The following ATPAF1 variants were observed in gnomAD, a reference collection of about 807,000 sequenced individuals.
The protein encoded by ATPAF1 is homolog of yeast ATP11.
ATPAF1 carries 26 observed loss-of-function variants against 43.9 expected under a neutral mutation model. That is an observed-to-expected ratio of 0.59 (90% confidence interval 0.43 to 0.82). ATPAF1 has a LOEUF of 0.82. ATPAF1 is among the 40% of genes least tolerant of loss of function. The probability of loss-of-function intolerance (pLI) is 0.00; values close to 1 mark genes in which losing one functional copy is unlikely to be tolerated. For synonymous variants in ATPAF1, 157 were observed against 168.0 expected (o/e 0.93, Z 0.50); for missense variants, 366 against 435.0 (o/e 0.84, Z 1.41).
At chr1:46,635,063 T>C (rs1475816876) in exon 9 of ATPAF1, 1 of 152,628 alleles carries the variant, frequency 6.6e-6, no homozygotes, top group Non-Finnish European at 1.5e-5. Flanking sequence ...ACAAAAGAAT[T>C]TTATTTATAC....
chr1:46,643,133 G>C, intron 8 of ATPAF1, 61 bp downstream of exon 8: 1 of 1,336,112 alleles, frequency 7.5e-7, no homozygotes, highest in Non-Finnish European at 1.1e-6. Flanking sequence ...AGCTTTGGCA[G>C]AAGAGTAATA....
At chr1:46,649,835 G>C (rs1173381669) in intron 6 of ATPAF1, among the ~76,000 whole-genome samples, 1 of 151,766 alleles carries the variant, frequency 6.6e-6, no homozygotes, top group African/African-American at 2.4e-5. Context: ...CTGAGGTGGG[G>C]GTATTGCTTC....
At chr1:46,654,528 T>TTTATTTATTA (rs1553218331) in intron 4 of ATPAF1, among the ~76,000 whole-genome samples, 239 of 135,258 alleles carry the variant, frequency 1.8e-3, no homozygotes, top group African/African-American at 5.4e-3. Context: ...TATTTATTTA[T>TTTATTTATTA]TTATTATTAT....
chr1:46,647,488 G>A (rs1057148957), intron 6 of ATPAF1, among the ~76,000 whole-genome samples: 2 of 131,088 alleles, frequency 1.5e-5, no homozygotes, highest in African/African-American at 6.1e-5. Flanking sequence ...ATTCCATTGT[G>A]TATGTATACA....
chr1:46,655,840 A>G (rs1027585218), intron 4 of ATPAF1, among the ~76,000 whole-genome samples: 1 of 152,060 alleles, frequency 6.6e-6, no homozygotes, highest in African/African-American at 2.4e-5. Context: ...CTGCTTTTCT[A>G]TTTTATTTAT....
Position 46,656,266 on chromosome 1 carries a change from G to A in ATPAF1, c.489+1861C>T, listed in dbSNP as rs115652951. 2.1e-3 allele frequency among the ~76,000 whole-genome samples: 315 copies of A among 152,284 alleles called. 1 individual carries two copies. Among genetic ancestry groups the A allele is most frequent in the Non-Finnish European group, 2.5e-3 (168 of 68,024 alleles). On this transcript the variant is annotated intron_variant, in intron 4 of 8. Transcript: ENST00000574428. ...ACACTAACAAAGGCATAGAAGTAGA[G>A]GAGGGTATCATAACCAAGGTGACAC...
At chr1:46,656,676 T>TA (rs1676279230) in intron 4 of ATPAF1, among the ~76,000 whole-genome samples, 1 of 152,188 alleles carries the variant, frequency 6.6e-6, no homozygotes. Flanking sequence ...AATTTATACC[T>TA]AAAACTATAG....
intron 8 of ATPAF1, among the ~76,000 whole-genome samples, chr1:46,640,476 G>A (rs1271148387): frequency 6.6e-6 from 1 of 152,062 alleles, no homozygotes; most frequent in Non-Finnish European, 1.5e-5. Flanking sequence ...CAGGTGTGGT[G>A]GCACATGCCT....
intron 8 of ATPAF1, among the ~76,000 whole-genome samples, chr1:46,641,892 C>G (rs1048464550): frequency 3.9e-5 from 6 of 152,040 alleles, no homozygotes; most frequent in African/African-American, 1.4e-4. Flanking sequence ...TCATTCAGTC[C>G]TATGGTTTTA....
At position 46,668,279 on chromosome 1, in the gene ATPAF1, G is replaced by C; in HGVS notation, c.44C>G (p.Ala15Gly). The change falls in exon 1 of 9, where the codon GCG becomes GGG. Residue 15 changes from alanine to glycine, a missense_variant. By Grantham distance (60) the Ala-to-Gly change is moderately conservative. Coordinates refer to ENST00000574428, the Ensembl canonical transcript of ATPAF1. This position sits in a 1 kb window ranked among gnomAD's most constrained non-coding sequence, Gnocchi z 4.4. Reference sequence around the variant, plus strand: ...GTAGAGACCGGCCACCTGCAGGACCGCCGGTCCCGCGCCACCCGCAGCCGC... The same window carrying C: ...GTAGAGACCGGCCACCTGCAGGACCCCCGGTCCCGCGCCACCCGCAGCCGC... 1 of 1,383,648 alleles carries C rather than the reference G, an allele frequency of 7.2e-7. No homozygotes were observed. The allele number at this position is 1,383,648 out of a possible 1,614,324, so 85.7% of individuals were successfully genotyped here.
intron 2 of ATPAF1, among the ~76,000 whole-genome samples, chr1:46,659,957 G>A (rs1676355884): frequency 6.6e-6 from 1 of 151,088 alleles, no homozygotes; most frequent in Non-Finnish European, 1.5e-5. Flanking sequence ...CTAAAAAGGA[G>A]TTAATTTCAT....
chr1:46,666,623 C>T (rs542709499), intron 1 of ATPAF1, among the ~76,000 whole-genome samples: 1 of 152,340 alleles, frequency 6.6e-6, no homozygotes, highest in Non-Finnish European at 1.5e-5. Flanking sequence ...GGTTTCATGC[C>T]TCTGTACCTT....
chr1:46,661,893 CTTTCTTT>C (rs1676394573), intron 2 of ATPAF1, among the ~76,000 whole-genome samples: 1 of 140,446 alleles, frequency 7.1e-6, no homozygotes, highest in Non-Finnish European at 1.6e-5. Flanking sequence ...AGCTAAATTT[CTTTCTTT>C]TTTTTTTTTT....
intron 2 of ATPAF1, among the ~76,000 whole-genome samples, chr1:46,658,959 A>G (rs2148824602): frequency 6.6e-6 from 1 of 152,286 alleles, no homozygotes; most frequent in Non-Finnish European, 1.5e-5. Context: ...TGGGAAGCCG[A>G]GGCGAGAGAA....
At position 46,668,363 on chromosome 1, in the gene ATPAF1, T is replaced by TCGGCCCG. The variant is rs920086651; in HGVS notation, c.-42_-41insCGGGCCG. 4.4e-5 allele frequency: 57 copies of TCGGCCCG among 1,287,572 alleles called. No homozygotes were observed. The highest frequency in any genetic ancestry group is 4.7e-5 in the African/African-American group (3 of 64,022). 79.8% of individuals were successfully genotyped at this position (1,287,572 alleles called of 1,614,324 possible). ...CTCCTCCTCCTCAGGCGCGTCGGCC[T>TCGGCCCG]CGGCCCGCGGCCCGCGCGCCCGCTC... On this transcript the variant is annotated 5_prime_UTR_variant, in exon 1 of 9. Coordinates refer to ENST00000574428, the Ensembl canonical transcript of ATPAF1. This position sits in a 1 kb window ranked among gnomAD's most constrained non-coding sequence, Gnocchi z 4.4.
intron 2 of ATPAF1, among the ~76,000 whole-genome samples, chr1:46,663,012 C>T (rs12562113): frequency 0.14 from 21,256 of 151,924 alleles, 3,811 homozygotes; most frequent in African/African-American, 0.4. Context: ...GATTCCCACC[C>T]ATGAGTGAGA....
chr1:46,647,555 C>A (rs1676067727), intron 6 of ATPAF1, among the ~76,000 whole-genome samples: 1 of 152,130 alleles, frequency 6.6e-6, no homozygotes, highest in African/African-American at 2.4e-5. Context: ...AATTCCTGTG[C>A]ACTAGTGACA....
chr1:46,643,310 TG>T lies in ATPAF1; in HGVS notation c.685-10del. ...GCAGCTTCCCCTCGGGTCTGCAAGGTGGAACACTTATCAAGGCTCAATAAGG... is the reference window on the plus strand; with the variant it reads ...GCAGCTTCCCCTCGGGTCTGCAAGGTGAACACTTATCAAGGCTCAATAAGG... On this transcript the variant is annotated splice_polypyrimidine_tract_variant and intron_variant, in intron 7 of 8. Coordinates refer to ENST00000574428, the Ensembl canonical transcript of ATPAF1. 3.1e-6 allele frequency: 5 copies of T among 1,599,052 alleles called. No individual in the cohort carries two copies. Among genetic ancestry groups the T allele is most frequent in the Non-Finnish European group, 4.3e-6 (5 of 1,168,230 alleles).
At chr1:46,637,433 T>A (rs1001580934) in intron 8 of ATPAF1, among the ~76,000 whole-genome samples, 10 of 152,134 alleles carry the variant, frequency 6.6e-5, no homozygotes, top group African/African-American at 2.4e-4. Context: ...CGGGCTACAC[T>A]CTCAAACTTT....
Sources: allele counts gnomAD v4.1 joint callset (sites outside exome capture counted in the v4.1 genomes callset), GRCh38; gene constraint gnomAD v4.1.1; non-coding constraint Gnocchi (gnomAD v3.1); transcripts MANE v1.5; gene names NCBI Gene and HGNC (gene_info 2026-07-23, HGNC 2026-07-21).